GALNTL6: variants seen among roughly 807,000 people sequenced by gnomAD.
GALNTL6 encodes the protein polypeptide N-acetylgalactosaminyltransferase-like 6.
GALNTL6 carries 46 observed loss-of-function variants against 73.7 expected under a neutral mutation model. That is an observed-to-expected ratio of 0.62 (90% CI 0.49 to 0.80). The LOEUF (loss-of-function observed/expected upper bound fraction) is 0.80, where lower values mean the gene tolerates loss of function less well. GALNTL6 is among the 30% of genes least tolerant of loss of function. The pLI is 0.00. For missense variants in GALNTL6, 604 were observed against 755.0 expected (o/e 0.80, Z 2.34); for synonymous variants, 259 against 263.7 (o/e 0.98, Z 0.17).
At chr4:172,324,154 A>G (rs1189726472) in intron 4 of GALNTL6, among the ~76,000 whole-genome samples, 4 of 152,110 alleles carry the variant, frequency 2.6e-5, no homozygotes, top group Admixed American at 2.0e-4. Context: ...GTGTGTGTGT[A>G]TGTATTCATT....
At chr4:172,812,040 GGA>G (rs1741334712) in intron 6 of GALNTL6, among the ~76,000 whole-genome samples, 3 of 151,522 alleles carry the variant, frequency 2.0e-5, no homozygotes, top group Admixed American at 2.0e-4. Flanking sequence ...ATGGATGGAT[GGA>G]TGGATGGATG....
At chr4:172,101,362 T>C (rs970060878) in intron 2 of GALNTL6, among the ~76,000 whole-genome samples, 1 of 152,194 alleles carries the variant, frequency 6.6e-6, no homozygotes, top group African/African-American at 2.4e-5. Flanking sequence ...AAACACTCAT[T>C]GGGGAGCCTA....
intron 5 of GALNTL6, among the ~76,000 whole-genome samples, chr4:172,627,618 C>A (rs1047968775): frequency 6.6e-6 from 1 of 151,446 alleles, no homozygotes; most frequent in Admixed American, 6.6e-5. Flanking sequence ...GTGAATCCAT[C>A]TGGTCAGGAG....
intron 8 of GALNTL6, among the ~76,000 whole-genome samples, chr4:172,894,352 C>G (rs1289318104): frequency 1.3e-5 from 2 of 152,104 alleles, no homozygotes; most frequent in Non-Finnish European, 2.9e-5. Context: ...AAACTTCCCT[C>G]TTAGTACTGC....
intron 5 of GALNTL6, among the ~76,000 whole-genome samples, chr4:172,762,567 C>G (rs1211735926): frequency 1.3e-5 from 2 of 151,998 alleles, no homozygotes; most frequent in African/African-American, 4.8e-5. Flanking sequence ...CAAACCCCAT[C>G]ATCAGCTCTC....
At chr4:172,220,192 T>C (rs551438115) in intron 2 of GALNTL6, among the ~76,000 whole-genome samples, 1 of 151,750 alleles carries the variant, frequency 6.6e-6, no homozygotes, top group African/African-American at 2.4e-5. Flanking sequence ...ACCTGTAGAA[T>C]GTAAGCTCTT....
At chr4:171,836,866 G>A (rs947883163) in intron 2 of GALNTL6, among the ~76,000 whole-genome samples, 14 of 152,230 alleles carry the variant, frequency 9.2e-5, no homozygotes, top group South Asian at 6.2e-4. Flanking sequence ...TTATAGAAGA[G>A]AGTTAATATG....
At chr4:173,008,459 G>A (rs1379671223) in intron 10 of GALNTL6, among the ~76,000 whole-genome samples, 2 of 152,218 alleles carry the variant, frequency 1.3e-5, no homozygotes, top group African/African-American at 4.8e-5. Flanking sequence ...AGCATGTCGA[G>A]TAGACCATGT....
At position 172,729,762 on chromosome 4, in the gene GALNTL6, G is replaced by A. The variant is rs752532050; in HGVS notation, c.554-79599G>A. 4.6e-5 allele frequency among the ~76,000 whole-genome samples: 7 copies of A among 152,154 alleles called. 1 individual carries two copies. In the South Asian group the frequency reaches 1.2e-3, roughly 27 times the overall value. ...AAACTTTAGAATTTTTTCTATTTCT[G>A]TGCAGAATGTCATTGGTATTTTGAT... On this transcript the variant is annotated intron_variant, in intron 5 of 12. Coordinates refer to ENST00000506823, the MANE Select transcript of GALNTL6 (RefSeq NM_001034845.3).
intron 2 of GALNTL6, among the ~76,000 whole-genome samples, chr4:171,826,199 T>C (rs1338602512): frequency 6.6e-6 from 1 of 152,160 alleles, no homozygotes; most frequent in African/African-American, 2.4e-5. Flanking sequence ...CCTCTTTTAT[T>C]ATGCTTGGTA....
intron 5 of GALNTL6, among the ~76,000 whole-genome samples, chr4:172,636,016 G>A (rs1739659391): frequency 6.6e-6 from 1 of 152,130 alleles, no homozygotes; most frequent in Non-Finnish European, 1.5e-5. Context: ...TCTTCATTGA[G>A]TATAACACTC....
Position 172,700,602 on chromosome 4 carries a change from A to C in GALNTL6, c.554-108759A>C, listed in dbSNP as rs557447789. Reference sequence around the variant, plus strand: ...GAAATGAGGTCAGCCGGTTTTCCACAATCAGCCATCCAGTGGACAAACAGG... The same window carrying C: ...GAAATGAGGTCAGCCGGTTTTCCACCATCAGCCATCCAGTGGACAAACAGG... On this transcript the variant is annotated intron_variant, in intron 5 of 12. Coordinates refer to ENST00000506823, the MANE Select transcript of GALNTL6 (RefSeq NM_001034845.3). Among the ~76,000 whole-genome samples the C allele has an allele frequency of 1.7e-3, 265 of 152,238 alleles. 1 individual carries two copies. Among genetic ancestry groups the C allele is most frequent in the Non-Finnish European group, 3.3e-3 (224 of 68,008 alleles).
Position 171,996,682 on chromosome 4 carries a change from T to C in GALNTL6, c.138+181964T>C, listed in dbSNP as rs562872741. On this transcript the variant is annotated intron_variant, in intron 2 of 12. Coordinates refer to ENST00000506823, the MANE Select transcript of GALNTL6 (RefSeq NM_001034845.3). ...GGCCACATTCGAGGAAGAAACATTC[T>C]CTTGGGCCACACATAATATATACTA... is the stretch of plus-strand genomic sequence containing the variant. Among the ~76,000 whole-genome samples, 4 of 143,252 alleles carry C rather than the reference T, an allele frequency of 2.8e-5. No individual in the cohort carries two copies. The East Asian group carries it at 6.0e-4, about 21-fold the overall frequency. The allele number at this position is 143,252 out of a possible 152,430, so 94.0% of individuals were successfully genotyped here.
At chr4:171,978,638 T>C (rs1288875268) in intron 2 of GALNTL6, among the ~76,000 whole-genome samples, 2 of 152,186 alleles carry the variant, frequency 1.3e-5, no homozygotes, top group Non-Finnish European at 2.9e-5. Context: ...AACTCTTAAT[T>C]ACAATGTTTT....
chr4:172,426,666 A>G (rs955295643), intron 5 of GALNTL6, among the ~76,000 whole-genome samples: 16 of 152,116 alleles, frequency 1.1e-4, no homozygotes, highest in African/African-American at 3.6e-4. Context: ...GCCATTTACA[A>G]AGTACAGGAG....
intron 2 of GALNTL6, among the ~76,000 whole-genome samples, chr4:172,000,211 T>C (rs1457822664): frequency 6.6e-6 from 1 of 152,150 alleles, no homozygotes; most frequent in Non-Finnish European, 1.5e-5. Context: ...ATTATATAAA[T>C]AAATGAGATA....
intron 2 of GALNTL6, among the ~76,000 whole-genome samples, chr4:171,933,381 AAAT>A (rs1195633820): frequency 1.3e-5 from 2 of 152,202 alleles, no homozygotes; most frequent in East Asian, 3.9e-4. Context: ...GATTTTAATT[AAAT>A]GTTTTGTTAG....
intron 5 of GALNTL6, among the ~76,000 whole-genome samples, chr4:172,794,101 A>G (rs1369629445): frequency 4.6e-5 from 7 of 152,166 alleles, no homozygotes; most frequent in African/African-American, 9.7e-5. Flanking sequence ...ATTGTCTTGG[A>G]AAAAAACAGC....
At chr4:172,306,812 A>G (rs1740157030) in intron 3 of GALNTL6, among the ~76,000 whole-genome samples, 1 of 152,166 alleles carries the variant, frequency 6.6e-6, no homozygotes, top group Non-Finnish European at 1.5e-5. Context: ...TTTTTGGCTG[A>G]GTAGTATTCC....
Sources: gnomAD v4.1 joint callset for allele counts (sites outside exome capture counted in the v4.1 genomes callset) on GRCh38, gnomAD v4.1.1 for gene constraint, MANE v1.5 for transcripts, NCBI Gene and HGNC (gene_info 2026-07-23, HGNC 2026-07-21) for gene names.